The following WASF3 variants were observed in gnomAD, a reference collection of about 807,000 sequenced individuals.
WASF3 encodes WASP family member 3.
WASF3 carries 11 observed loss-of-function variants against 46.6 expected under a neutral mutation model. That is an observed-to-expected ratio of 0.24 (90% CI 0.15 to 0.39). The LOEUF (loss-of-function observed/expected upper bound fraction) is 0.39, where lower values mean the gene tolerates loss of function less well. Ranked by LOEUF, WASF3 falls within the 10% of genes least tolerant of loss-of-function variation. The pLI is 1.00. For missense variants in WASF3, 576 were observed against 669.8 expected (o/e 0.86, Z 1.55); for synonymous variants, 242 against 259.7 (o/e 0.93, Z 0.65).
chr13:26,608,090 G>T (rs1274430101), intron 1 of WASF3, among the ~76,000 whole-genome samples: 8 of 127,040 alleles, frequency 6.3e-5, no homozygotes, highest in Admixed American at 6.2e-4. Flanking sequence ...ATGCTTGAAT[G>T]AATTGAAGAG....
intron 1 of WASF3, among the ~76,000 whole-genome samples, chr13:26,568,928 G>C (rs1444354080): frequency 6.6e-6 from 1 of 152,178 alleles, no homozygotes; most frequent in Non-Finnish European, 1.5e-5. Context: ...CTGCTGTCTG[G>C]AGTTATTGGA....
chr13:26,547,002 A>G, the WASF3 span, among the ~76,000 whole-genome samples: 3 of 152,136 alleles, frequency 2.0e-5, no homozygotes, highest in Non-Finnish European at 4.4e-5. Flanking sequence ...AAAGTGACTT[A>G]CCAGTGAAAC....
intron 1 of WASF3, among the ~76,000 whole-genome samples, chr13:26,558,289 C>T (rs1161885907): frequency 6.6e-6 from 1 of 152,048 alleles, no homozygotes; most frequent in Non-Finnish European, 1.5e-5. Context: ...GCTCCGCGTG[C>T]CCCCCGGCCC....
chr13:26,656,500 G>A (rs1305388449), intron 3 of WASF3, among the ~76,000 whole-genome samples: 2 of 151,168 alleles, frequency 1.3e-5, no homozygotes, highest in African/African-American at 4.9e-5. Context: ...ATTTCATGTC[G>A]TGACTGACCC....
intron 2 of WASF3, among the ~76,000 whole-genome samples, chr13:26,624,420 G>C (rs1199687287): frequency 1.3e-5 from 2 of 152,082 alleles, no homozygotes; most frequent in African/African-American, 4.8e-5. Flanking sequence ...AAGTGGAGTG[G>C]GGAAGGGGAG....
chr13:26,657,691 A>T (rs1882507881), intron 3 of WASF3, among the ~76,000 whole-genome samples: 1 of 152,218 alleles, frequency 6.6e-6, no homozygotes, highest in Non-Finnish European at 1.5e-5. Context: ...AATAAATTGC[A>T]TTTACCTCAA....
At chr13:26,646,785 TG>T (rs1882162748) in intron 3 of WASF3, among the ~76,000 whole-genome samples, 1 of 152,152 alleles carries the variant, frequency 6.6e-6, no homozygotes, top group Non-Finnish European at 1.5e-5. Context: ...GGCAACTAAT[TG>T]TTCTAGGGAA....
intron 6 of WASF3, among the ~76,000 whole-genome samples, chr13:26,673,473 G>T (rs1243326704): frequency 6.6e-6 from 1 of 152,140 alleles, no homozygotes; most frequent in African/African-American, 2.4e-5. Context: ...ACAATATAGT[G>T]AGGGACACAG....
chr13:26,558,215 C>T (rs78856600), intron 1 of WASF3, among the ~76,000 whole-genome samples: 2 of 151,952 alleles, frequency 1.3e-5, no homozygotes, highest in Admixed American at 1.3e-4. Context: ...ACGCCCCGGG[C>T]CGCTCCGCGT....
chr13:26,672,948 C>T (rs1167378492), intron 6 of WASF3, among the ~76,000 whole-genome samples: 2 of 152,130 alleles, frequency 1.3e-5, no homozygotes, highest in African/African-American at 4.8e-5. Flanking sequence ...AGGACTTGGT[C>T]ACACACAGTC....
At chr13:26,567,049 A>G (rs1023834633) in intron 1 of WASF3, among the ~76,000 whole-genome samples, 4 of 152,236 alleles carry the variant, frequency 2.6e-5, no homozygotes, top group Non-Finnish European at 4.4e-5. Context: ...AGTGGCATTC[A>G]TGTGGTACAT....
intron 1 of WASF3, among the ~76,000 whole-genome samples, chr13:26,596,733 G>A (rs1880475140): frequency 1.3e-5 from 2 of 151,962 alleles, no homozygotes; most frequent in Admixed American, 1.3e-4. Context: ...CTTTTATCCG[G>A]TTCTCTCCTT....
chr13:26,580,045 TTTAGTG>T lies in WASF3; in HGVS notation c.-109+22240_-109+22245del, dbSNP rs148337387. Among the ~76,000 whole-genome samples the T allele has an allele frequency of 5.6e-3, 857 of 152,310 alleles. 9 individuals carry two copies. The highest frequency in any genetic ancestry group is 0.02 in the African/African-American group (816 of 41,570). ...ACTTATTTTTAGCTCATTAGCTGTCTTTAGTGTTAGTGTTAGTGTATTTTATGTGTG... is the reference window on the plus strand; with the variant it reads ...ACTTATTTTTAGCTCATTAGCTGTCTTTAGTGTTAGTGTATTTTATGTGTG... On this transcript the variant is annotated intron_variant, in intron 1 of 9. Transcript: ENST00000335327.
intron 1 of WASF3, among the ~76,000 whole-genome samples, chr13:26,594,831 G>C (rs539893225): frequency 6.6e-6 from 1 of 151,826 alleles, no homozygotes; most frequent in South Asian, 2.1e-4. Flanking sequence ...CACATTGTCT[G>C]TCTTCCTCAT....
rs959533831 is a variant in WASF3, at chr13:26,677,899, C to T, written c.716+1175C>T. Among the ~76,000 whole-genome samples the T allele has an allele frequency of 1.3e-4, 19 of 151,946 alleles. 1 individual carries two copies. The highest frequency in any genetic ancestry group is 5.2e-4 in the Admixed American group (8 of 15,258). On this transcript the variant is annotated intron_variant, in intron 7 of 9. Coordinates refer to ENST00000335327, the MANE Select transcript of WASF3 (RefSeq NM_006646.6). The stretch of plus-strand genomic sequence containing the variant: ...GCTATGATTGTTTACTCGTGCAAAA[C>T]GTATACTTTGTTTTTATCCTATATA...
chr13:26,577,208 A>G, intron 1 of WASF3: 1 of 739,832 alleles, frequency 1.4e-6, no homozygotes, highest in East Asian at 2.5e-5. Flanking sequence ...CCTGTGACAA[A>G]ATGTGTTCCA....
chr13:26,590,024 T>C (rs1880243378), intron 1 of WASF3, among the ~76,000 whole-genome samples: 1 of 152,236 alleles, frequency 6.6e-6, no homozygotes, highest in South Asian at 2.1e-4. Context: ...CCCTTCCCCT[T>C]TGAAACCAAT....
At chr13:26,633,346 GCA>G in intron 2 of WASF3, among the ~76,000 whole-genome samples, 1 of 151,994 alleles carries the variant, frequency 6.6e-6, no homozygotes, top group South Asian at 2.1e-4. Flanking sequence ...GGGATTACAG[GCA>G]TGTGCCACCA....
At chr13:26,600,249 A>G (rs542104637) in intron 1 of WASF3, among the ~76,000 whole-genome samples, 36 of 152,344 alleles carry the variant, frequency 2.4e-4, no homozygotes, top group African/African-American at 7.0e-4. Context: ...ATAAAAGAAG[A>G]GAAGGCTAGT....
Sources: gnomAD v4.1 joint callset for allele counts (sites outside exome capture counted in the v4.1 genomes callset) on GRCh38, gnomAD v4.1.1 for gene constraint, MANE v1.5 for transcripts, NCBI Gene and HGNC (gene_info 2026-07-23, HGNC 2026-07-21) for gene names.